The following THSD4 variants were observed in gnomAD, a reference collection of about 807,000 sequenced individuals.
THSD4 encodes thrombospondin type-1 domain-containing protein 4.
Under a neutral mutation model 119.0 loss-of-function variants are expected in THSD4, and 69 were observed. That is an observed-to-expected ratio of 0.58 (90% CI 0.48 to 0.71). THSD4 has a LOEUF of 0.71. Ranked by LOEUF, THSD4 falls within the 30% of genes least tolerant of loss-of-function variation. The pLI is 0.00. For missense variants in THSD4, 1,393 were observed against 1,391.1 expected (o/e 1.00, Z -0.02); for synonymous variants, 524 against 540.4 (o/e 0.97, Z 0.42).
chr15:71,428,572 T>C (rs907016320), intron 7 of THSD4, among the ~76,000 whole-genome samples: 6 of 152,234 alleles, frequency 3.9e-5, no homozygotes, highest in Admixed American at 3.9e-4. Flanking sequence ...TTTAAATTCC[T>C]GGCAAAATTC....
At chr15:71,520,938 A>C (rs565366205) in intron 7 of THSD4, among the ~76,000 whole-genome samples, 104 of 152,308 alleles carry the variant, frequency 6.8e-4, no homozygotes, top group Non-Finnish European at 1.3e-3. Context: ...AGAATGAGTG[A>C]TTGTAGCAAC....
At chr15:71,462,250 C>G (rs543050389) in intron 7 of THSD4, among the ~76,000 whole-genome samples, 1 of 152,308 alleles carries the variant, frequency 6.6e-6, no homozygotes, top group African/African-American at 2.4e-5. Context: ...CAGCCTTGAA[C>G]TCCCAGGCTC....
intron 3 of THSD4, among the ~76,000 whole-genome samples, chr15:71,173,191 C>A (rs1453468456): frequency 6.6e-6 from 1 of 151,666 alleles, no homozygotes; most frequent in East Asian, 1.9e-4. Flanking sequence ...GATACAAGGT[C>A]AACATGCAAA....
chr15:71,357,457 C>G lies in THSD4; in HGVS notation c.1016-54230C>G, dbSNP rs75708342. ...TCAGCAAGTCCACCCAGTGGGACTC[C>G]CTGCAGACTGGCTTCTCTAAGAGGG... On this transcript the variant is annotated intron_variant, in intron 6 of 17. Coordinates refer to ENST00000261862, the MANE Select transcript of THSD4 (RefSeq NM_024817.3). 2.1e-3 allele frequency among the ~76,000 whole-genome samples: 318 copies of G among 152,330 alleles called. 4 individuals are homozygous for G. The highest frequency in any genetic ancestry group is 7.2e-3 in the African/African-American group (301 of 41,570).
intron 6 of THSD4, among the ~76,000 whole-genome samples, chr15:71,287,295 A>G (rs1306280544): frequency 6.6e-6 from 1 of 152,236 alleles, no homozygotes; most frequent in Non-Finnish European, 1.5e-5. Flanking sequence ...TTATCATTTC[A>G]TCATGCTGTG....
chr15:71,745,888 G>T (rs894799844), intron 12 of THSD4, among the ~76,000 whole-genome samples: 1 of 152,100 alleles, frequency 6.6e-6, no homozygotes, highest in Non-Finnish European at 1.5e-5. Flanking sequence ...CTAATGGTCT[G>T]CCCACCTCAG....
chr15:71,587,540 G>A (rs563171657), intron 7 of THSD4, among the ~76,000 whole-genome samples: 25 of 112,958 alleles, frequency 2.2e-4, no homozygotes, highest in East Asian at 1.6e-3. Context: ...ACCAAACACC[G>A]CATATTCTCA....
intron 7 of THSD4, among the ~76,000 whole-genome samples, chr15:71,649,573 C>T (rs538158350): frequency 6.6e-5 from 10 of 152,264 alleles, no homozygotes; most frequent in African/African-American, 2.2e-4. Flanking sequence ...CGTGCACCAG[C>T]CTGATAGCTT....
At chr15:71,601,392 G>C (rs1263342444) in intron 7 of THSD4, among the ~76,000 whole-genome samples, 1 of 152,168 alleles carries the variant, frequency 6.6e-6, no homozygotes, top group African/African-American at 2.4e-5. Context: ...CCACTCCAGG[G>C]GTTGCTCCCT....
intron 7 of THSD4, among the ~76,000 whole-genome samples, chr15:71,604,592 C>A (rs1324466500): frequency 6.6e-6 from 1 of 152,152 alleles, no homozygotes; most frequent in Admixed American, 6.5e-5. Context: ...AGGTAAGACA[C>A]CCACACAAGT....
intron 6 of THSD4, among the ~76,000 whole-genome samples, chr15:71,284,363 TTGAGAACA>T (rs1176117712): frequency 6.6e-6 from 1 of 152,164 alleles, no homozygotes; most frequent in East Asian, 1.9e-4. Flanking sequence ...GTGTTATATA[TTGAGAACA>T]GAAATTCATA....
In THSD4 at chr15:71,627,422, G is replaced by C. The variant is rs569921655; in HGVS notation, c.1153-33108G>C. Among the ~76,000 whole-genome samples the C allele has an allele frequency of 5.3e-5, 8 of 152,340 alleles. No individual in the cohort carries two copies. The South Asian group carries it at 1.7e-3, about 32-fold the overall frequency. On this transcript the variant is annotated intron_variant, in intron 7 of 17. Coordinates refer to ENST00000261862, the MANE Select transcript of THSD4 (RefSeq NM_024817.3). Reference sequence around the variant, plus strand: ...AGTGCTACTGAAATGACTTTCCTCAGAGAATCTGAGCTTGCACAAGCTCAG... The same window carrying C: ...AGTGCTACTGAAATGACTTTCCTCACAGAATCTGAGCTTGCACAAGCTCAG...
intron 6 of THSD4, among the ~76,000 whole-genome samples, chr15:71,323,268 G>A (rs1010141018): frequency 2.0e-4 from 31 of 152,162 alleles, no homozygotes; most frequent in African/African-American, 6.5e-4. Flanking sequence ...AATCGCAGGG[G>A]GCCATTTCAG....
chr15:71,454,990 A>G (rs2047317861), intron 7 of THSD4, among the ~76,000 whole-genome samples: 2 of 152,194 alleles, frequency 1.3e-5, no homozygotes. Flanking sequence ...CTCTGATTTG[A>G]CTAGAGGCTC....
At chr15:71,442,660 G>GTGTGTATATATATATATATATATA in intron 7 of THSD4, among the ~76,000 whole-genome samples, 1 of 25,818 alleles carries the variant, frequency 3.9e-5, no homozygotes, top group African/African-American at 1.1e-4. Flanking sequence ...GTGTGTGTGT[G>GTGTGTATATATATATATATATATA]TATATATATA....
intron 6 of THSD4, among the ~76,000 whole-genome samples, chr15:71,263,331 G>GTGTATATATATATATATATATATATA (rs1555458973): frequency 3.5e-4 from 49 of 138,880 alleles, no homozygotes; most frequent in African/African-American, 5.9e-4. Context: ...GTATTCCATG[G>GTGTATATATATATATATATATATATA]TATATATATA....
intron 7 of THSD4, among the ~76,000 whole-genome samples, chr15:71,623,207 G>A (rs369671935): frequency 6.6e-6 from 1 of 152,200 alleles, no homozygotes; most frequent in East Asian, 1.9e-4. Context: ...TAATCAAGGA[G>A]CAAAGTGATG....
intron 6 of THSD4, among the ~76,000 whole-genome samples, chr15:71,274,477 A>G (rs887216457): frequency 6.6e-6 from 1 of 152,120 alleles, no homozygotes; most frequent in Admixed American, 6.6e-5. Flanking sequence ...GGGCCACTGC[A>G]TCATAAGGGG....
At chr15:71,235,850 G>T (rs1478999106) in intron 4 of THSD4, among the ~76,000 whole-genome samples, 1 of 152,040 alleles carries the variant, frequency 6.6e-6, no homozygotes, top group African/African-American at 2.4e-5. Context: ...CTCAGCCTCC[G>T]AAAGTGCTGG....
Sources: allele counts gnomAD v4.1 joint callset (sites outside exome capture counted in the v4.1 genomes callset), GRCh38; gene constraint gnomAD v4.1.1; transcripts MANE v1.5; gene names NCBI Gene and HGNC (gene_info 2026-07-23, HGNC 2026-07-21).